Variants in AMPH observed in about 807,000 individuals in gnomAD.
The protein encoded by AMPH is amphiphysin.
In AMPH, 49 loss-of-function variants were observed where a neutral mutation model predicts 99.1. That is an observed-to-expected ratio of 0.49 (90% confidence interval 0.39 to 0.63). AMPH has a LOEUF of 0.63. Among genes scored for constraint, AMPH ranks in the 20% least tolerant of loss-of-function variants. The probability of loss-of-function intolerance (pLI) is 0.00; values close to 1 mark genes in which losing one functional copy is unlikely to be tolerated. For synonymous variants in AMPH, 314 were observed against 317.3 expected, an observed-to-expected ratio of 0.99 and a Z score of 0.11; for missense variants, 759 against 863.4, an observed-to-expected ratio of 0.88 and a Z score of 1.52.
At chr7:38,393,142 G>C (rs774277147) in intron 18 of AMPH, among the ~76,000 whole-genome samples, 3 of 152,148 alleles carry the variant, frequency 2.0e-5, no homozygotes, top group Non-Finnish European at 4.4e-5. Context: ...ACTGTGATGA[G>C]AAAATCTAAG....
intron 2 of AMPH, among the ~76,000 whole-genome samples, chr7:38,515,006 G>A (rs1274964120): frequency 3.3e-5 from 5 of 152,276 alleles, no homozygotes; most frequent in African/African-American, 1.2e-4. Context: ...CTCAGAAGAG[G>A]AGAGCTATAG....
chr7:38,394,994 A>T (rs1408382293), intron 17 of AMPH, among the ~76,000 whole-genome samples: 2 of 152,156 alleles, frequency 1.3e-5, no homozygotes, highest in Non-Finnish European at 2.9e-5. Context: ...TCCTGGGTGC[A>T]TCCTTAACCT....
At chr7:38,464,129 A>G in intron 9 of AMPH, 1 of 1,289,726 alleles carries the variant, frequency 7.8e-7, no homozygotes, top group Non-Finnish European at 1.0e-6. Context: ...AAGTGAAAGG[A>G]ACATTCATTA....
chr7:38,457,726 G>A (rs149552981), intron 11 of AMPH, among the ~76,000 whole-genome samples: 47 of 152,214 alleles, frequency 3.1e-4, no homozygotes, highest in Admixed American at 2.2e-3. Flanking sequence ...CAGATACAAT[G>A]CAAAAAGGTC....
At chr7:38,601,684 T>C (rs1287800285) in intron 1 of AMPH, among the ~76,000 whole-genome samples, 1 of 152,182 alleles carries the variant, frequency 6.6e-6, no homozygotes, top group Non-Finnish European at 1.5e-5. Context: ...ATGGAAAGAC[T>C]AGGACCTCAA....
At chr7:38,609,562 C>T (rs527575571) in intron 1 of AMPH, among the ~76,000 whole-genome samples, 4 of 152,318 alleles carry the variant, frequency 2.6e-5, no homozygotes, top group Admixed American at 2.6e-4. Context: ...ATCCTTATTA[C>T]ACCCATTAAA....
intron 3 of AMPH, among the ~76,000 whole-genome samples, chr7:38,503,159 C>T (rs778201810): frequency 5.3e-5 from 8 of 152,224 alleles, no homozygotes; most frequent in East Asian, 1.9e-4. Context: ...GTGCATTGCA[C>T]GTCGGTAGGG....
At chr7:38,577,334 G>A (rs1032922660) in intron 1 of AMPH, among the ~76,000 whole-genome samples, 2 of 152,062 alleles carry the variant, frequency 1.3e-5, no homozygotes, top group Non-Finnish European at 2.9e-5. Context: ...TCCAGCCCCC[G>A]CCCTGTCAGT....
chr7:38,392,887 G>A (rs1222550465), intron 18 of AMPH, among the ~76,000 whole-genome samples: 1 of 152,194 alleles, frequency 6.6e-6, no homozygotes, highest in Admixed American at 6.5e-5. Flanking sequence ...CCACACTGCT[G>A]TGGCCGCTGG....
At chr7:38,625,596 T>C (rs1029597492) in intron 1 of AMPH, among the ~76,000 whole-genome samples, 3 of 152,042 alleles carry the variant, frequency 2.0e-5, no homozygotes, top group East Asian at 1.9e-4. Context: ...CCTGAATACA[T>C]AGAAAACTAA....
chr7:38,427,279 G>A (rs1251285372), intron 14 of AMPH, among the ~76,000 whole-genome samples: 2 of 152,122 alleles, frequency 1.3e-5, no homozygotes, highest in African/African-American at 4.8e-5. Flanking sequence ...CCAGAAAAGG[G>A]CCATTAGGAG....
intron 2 of AMPH, among the ~76,000 whole-genome samples, chr7:38,515,758 C>T (rs1184863686): frequency 6.6e-6 from 1 of 152,208 alleles, no homozygotes; most frequent in African/African-American, 2.4e-5. Context: ...AAGTTTGGAA[C>T]TTCCTAGAGA....
chr7:38,509,048 T>TGAGAGTTTTTCATAA (rs1227819663), intron 2 of AMPH, among the ~76,000 whole-genome samples: 51 of 152,316 alleles, frequency 3.3e-4, no homozygotes, highest in African/African-American at 1.1e-3. Context: ...AATGGGAAGA[T>TGAGAGTTTTTCATAA]GTAAAAGCGC....
chr7:38,462,947 T>A, intron 10 of AMPH, 28 bp downstream of exon 10: 1 of 1,525,112 alleles, frequency 6.6e-7, no homozygotes, highest in East Asian at 2.3e-5. Flanking sequence ...ATGAGCTCTA[T>A]CCCCCAATAT....
chr7:38,423,964 G>A (rs1397880162), intron 15 of AMPH, among the ~76,000 whole-genome samples: 1 of 152,136 alleles, frequency 6.6e-6, no homozygotes, highest in Admixed American at 6.6e-5. Context: ...GAAGCACTGA[G>A]TACTTACATA....
chr7:38,626,846 T>A (rs939212456), intron 1 of AMPH, among the ~76,000 whole-genome samples: 14 of 152,060 alleles, frequency 9.2e-5, no homozygotes, highest in Non-Finnish European at 1.3e-4. Context: ...AACAACCCCA[T>A]CAAAAAGTAG....
chr7:38,454,333 G>C (rs572882674), intron 11 of AMPH, among the ~76,000 whole-genome samples: 1 of 152,284 alleles, frequency 6.6e-6, no homozygotes, highest in East Asian at 1.9e-4. Flanking sequence ...ATTACGCATA[G>C]TGTAGTGATT....
intron 1 of AMPH, among the ~76,000 whole-genome samples, chr7:38,617,849 G>A (rs1236778432): frequency 2.0e-5 from 3 of 151,282 alleles, no homozygotes; most frequent in Non-Finnish European, 1.5e-5. Context: ...CTATGGAATG[G>A]AAAAAAAAAC....
intron 2 of AMPH, among the ~76,000 whole-genome samples, chr7:38,518,814 T>G (rs1480749221): frequency 6.6e-6 from 1 of 152,200 alleles, no homozygotes; most frequent in Non-Finnish European, 1.5e-5. Context: ...TGGGATGGAA[T>G]AAATGTATTT....
Sources: allele counts gnomAD v4.1 joint callset (sites outside exome capture counted in the v4.1 genomes callset), GRCh38; gene constraint gnomAD v4.1.1; transcripts MANE v1.5; gene names NCBI Gene and HGNC (gene_info 2026-07-23, HGNC 2026-07-21).